The following NUBPL variants were observed in gnomAD, a reference collection of about 807,000 sequenced individuals.
The protein encoded by NUBPL is iron-sulfur cluster transfer protein NUBPL.
Under a neutral mutation model 45.7 loss-of-function variants are expected in NUBPL, and 31 were observed. That is an observed-to-expected ratio of 0.68 (90% confidence interval 0.51 to 0.92). NUBPL has a LOEUF of 0.92. Among genes scored for constraint, NUBPL ranks in the 40% least tolerant of loss-of-function variants. The pLI, the probability that NUBPL is intolerant of heterozygous loss-of-function variation, is 0.00. For missense variants in NUBPL, 401 were observed against 398.7 expected (o/e 1.01, Z -0.05); for synonymous variants, 144 against 140.9 (o/e 1.02, Z -0.15).
At chr14:31,750,719 T>C (rs1439901996) in intron 6 of NUBPL, among the ~76,000 whole-genome samples, 1 of 152,002 alleles carries the variant, frequency 6.6e-6, no homozygotes, top group Non-Finnish European at 1.5e-5. Context: ...AGTTGTTTCC[T>C]GTCATGTTGG....
At chr14:31,760,006 C>G (rs1334037865) in intron 6 of NUBPL, among the ~76,000 whole-genome samples, 1 of 150,922 alleles carries the variant, frequency 6.6e-6, no homozygotes, top group Non-Finnish European at 1.5e-5. Context: ...GGACATAACC[C>G]CACTGCAAGT....
chr14:31,655,271 A>G (rs974390250), intron 4 of NUBPL, among the ~76,000 whole-genome samples: 3 of 152,246 alleles, frequency 2.0e-5, no homozygotes, highest in African/African-American at 7.2e-5. Flanking sequence ...TTCTGTAATA[A>G]TAAGACTTGA....
At chr14:31,780,802 A>T (rs183063492) in intron 6 of NUBPL, among the ~76,000 whole-genome samples, 1 of 152,214 alleles carries the variant, frequency 6.6e-6, no homozygotes, top group Non-Finnish European at 1.5e-5. Context: ...AAATCTAGGT[A>T]TTTCGGTAGC....
At chr14:31,773,700 G>A (rs565223442) in intron 6 of NUBPL, among the ~76,000 whole-genome samples, 1 of 152,274 alleles carries the variant, frequency 6.6e-6, no homozygotes, top group Non-Finnish European at 1.5e-5. Context: ...TTTGCTAGTA[G>A]GGTAGGACTA....
Position 31,698,673 on chromosome 14 carries a change from C to T in NUBPL, c.513+25099C>T, listed in dbSNP as rs554434193. On this transcript the variant is annotated intron_variant, in intron 6 of 10. Coordinates refer to ENST00000281081, the MANE Select transcript of NUBPL (RefSeq NM_025152.3). ...GTCCTATAGATTCTTTTGGCTACTG[C>T]GAACATTTACTTACTGATTTTTTTT... 7.2e-5 allele frequency among the ~76,000 whole-genome samples: 11 copies of T among 152,126 alleles called. No homozygotes were observed. In the East Asian group the frequency reaches 7.7e-4, roughly 11 times the overall value.
chr14:31,757,263 T>A, intron 6 of NUBPL, among the ~76,000 whole-genome samples: 5 of 146,540 alleles, frequency 3.4e-5, no homozygotes, highest in African/African-American at 1.2e-4. Flanking sequence ...TTGGAATAGT[T>A]TCAGAAGGAA....
chr14:31,561,426 C>A lies in NUBPL; in HGVS notation c.-14C>A. ...GACAGTTTCCCAGCAGGGCTCACAG[C>A]AGCGTTCCGCGTCATGGGGATTTGG... On this transcript the variant is annotated 5_prime_UTR_variant, in exon 1 of 11. Transcript: ENST00000281081. 4 of 1,381,846 alleles carry A rather than the reference C, an allele frequency of 2.9e-6. No individual in the cohort carries two copies. The highest frequency in any genetic ancestry group is 3.8e-6 in the Non-Finnish European group (4 of 1,055,090). 85.6% of individuals were successfully genotyped at this position (1,381,846 alleles called of 1,614,324 possible).
intron 4 of NUBPL, among the ~76,000 whole-genome samples, chr14:31,645,519 T>C (rs2139716121): frequency 6.6e-6 from 1 of 152,348 alleles, no homozygotes; most frequent in East Asian, 1.9e-4. Flanking sequence ...TTTCTTATTT[T>C]TTGGTTGACT....
intron 4 of NUBPL, among the ~76,000 whole-genome samples, chr14:31,653,362 A>G (rs1159660454): frequency 1.3e-5 from 2 of 152,178 alleles, no homozygotes; most frequent in African/African-American, 2.4e-5. Flanking sequence ...TCTCAACTGC[A>G]TAAGACAGAC....
chr14:31,851,746 T>G (rs931976444), intron 10 of NUBPL, among the ~76,000 whole-genome samples: 7 of 87,840 alleles, frequency 8.0e-5, no homozygotes, highest in South Asian at 2.6e-4. Context: ...AAATTGAGGG[T>G]TTTTTTTGCT....
At chr14:31,677,811 A>G (rs7158443) in intron 6 of NUBPL, among the ~76,000 whole-genome samples, 25,746 of 152,140 alleles carry the variant, frequency 0.17, 6,236 homozygotes, top group African/African-American at 0.54. Context: ...CCGGCTACTG[A>G]CTATGTTTGC....
chr14:31,571,520 G>C (rs976543095), intron 3 of NUBPL, among the ~76,000 whole-genome samples: 6 of 151,674 alleles, frequency 4.0e-5, no homozygotes, highest in African/African-American at 1.5e-4. Flanking sequence ...CATGATCTCG[G>C]CTCACTGCAA....
At chr14:31,812,667 A>C (rs765197892) in intron 7 of NUBPL, among the ~76,000 whole-genome samples, 1 of 152,172 alleles carries the variant, frequency 6.6e-6, no homozygotes, top group Non-Finnish European at 1.5e-5. Context: ...TCCCAGTGAG[A>C]TGAACCAGGT....
At chr14:31,590,147 T>C (rs2034104404) in intron 3 of NUBPL, among the ~76,000 whole-genome samples, 1 of 151,938 alleles carries the variant, frequency 6.6e-6, no homozygotes, top group Non-Finnish European at 1.5e-5. Context: ...AGAGCAATCC[T>C]TTTTTTTGAG....
rs1217304363 is a variant in NUBPL, at chr14:31,562,598, T to G, written c.256+383T>G. Among the ~76,000 whole-genome samples the G allele has an allele frequency of 4.8e-5, 6 of 124,698 alleles. No individual in the cohort carries two copies. The East Asian group carries it at 6.9e-4, about 14-fold the overall frequency. 81.8% of individuals were successfully genotyped at this position (124,698 alleles called of 152,430 possible). ...TTTTTAAAACATCTAGTAACTTTTTTTTTTTGTTTTTTTTTTTTTTTTTGA... is the reference window on the plus strand; with the variant it reads ...TTTTTAAAACATCTAGTAACTTTTTGTTTTTGTTTTTTTTTTTTTTTTTGA... On this transcript the variant is annotated intron_variant, in intron 2 of 10. Coordinates refer to ENST00000281081, the MANE Select transcript of NUBPL (RefSeq NM_025152.3).
intron 6 of NUBPL, among the ~76,000 whole-genome samples, chr14:31,773,599 A>G (rs1182781868): frequency 2.0e-5 from 3 of 152,178 alleles, no homozygotes; most frequent in Non-Finnish European, 4.4e-5. Flanking sequence ...TTTGCCTGCA[A>G]AATTTGTCCA....
intron 6 of NUBPL, among the ~76,000 whole-genome samples, chr14:31,748,020 A>G (rs1450800979): frequency 6.6e-6 from 1 of 152,114 alleles, no homozygotes; most frequent in Non-Finnish European, 1.5e-5. Context: ...TTGTTTCATG[A>G]AATTTTAAAA....
intron 6 of NUBPL, among the ~76,000 whole-genome samples, chr14:31,750,178 AT>A (rs34645652): frequency 0.55 from 69,520 of 126,160 alleles, 16,771 homozygotes; most frequent in East Asian, 0.7. Flanking sequence ...CATTATTATT[AT>A]TTTTTTTTTT....
At chr14:31,656,239 G>T (rs1312443724) in intron 4 of NUBPL, among the ~76,000 whole-genome samples, 2 of 152,168 alleles carry the variant, frequency 1.3e-5, no homozygotes, top group African/African-American at 2.4e-5. Flanking sequence ...TGTTGTGGCT[G>T]GTTTGATCTT....
Sources: allele counts gnomAD v4.1 joint callset (sites outside exome capture counted in the v4.1 genomes callset), GRCh38; gene constraint gnomAD v4.1.1; transcripts MANE v1.5; gene names NCBI Gene and HGNC (gene_info 2026-07-23, HGNC 2026-07-21).